HLA-DRB1: variants seen among roughly 807,000 people sequenced by gnomAD.
HLA-DRB1 encodes major histocompatibility complex, class II, DR beta 1 precursor.
In HLA-DRB1, 10 loss-of-function variants were observed where a neutral mutation model predicts 27.9. That is an observed-to-expected ratio of 0.36 (90% confidence interval 0.22 to 0.61). The LOEUF (loss-of-function observed/expected upper bound fraction) is 0.61, where lower values mean the gene tolerates loss of function less well. Among genes scored for constraint, HLA-DRB1 ranks in the 20% least tolerant of loss-of-function variants. HLA-DRB1 has a pLI of 0.73. For synonymous variants in HLA-DRB1, 57 were observed against 126.7 expected, an observed-to-expected ratio of 0.45 and a Z score of 3.69; for missense variants, 118 against 306.3, an observed-to-expected ratio of 0.39 and a Z score of 4.59.
At chr6:32,585,827 T>C (rs981191575) in intron 1 of HLA-DRB1, among the ~76,000 whole-genome samples, 6,984 of 143,490 alleles carry the variant, frequency 0.049, 1 homozygote, top group Admixed American at 0.063. Context: ...GGGTGTTACT[T>C]ATAACCTCTC....
chr6:32,580,544 C>T (rs9269762), intron 4 of HLA-DRB1, among the ~76,000 whole-genome samples: 77,761 of 97,686 alleles, frequency 0.8, 32,628 homozygotes, highest in Middle Eastern at 0.87. Context: ...ACCTTCCTCT[C>T]GTCTCTGCAG....
intron 1 of HLA-DRB1, among the ~76,000 whole-genome samples, chr6:32,588,984 A>G (rs34874601): frequency 1.3e-5 from 1 of 78,658 alleles, no homozygotes; most frequent in Admixed American, 1.5e-4. Flanking sequence ...AATGCTCTGT[A>G]TCTGTAAGGT....
chr6:32,586,401 T>A (rs9270077), intron 1 of HLA-DRB1, among the ~76,000 whole-genome samples: 1,128 of 69,022 alleles, frequency 0.016, 12 homozygotes, highest in Middle Eastern at 0.06. Flanking sequence ...TTCTCTATCA[T>A]ATTCTCACTT....
chr6:32,586,367 G>A (rs9270075), intron 1 of HLA-DRB1, among the ~76,000 whole-genome samples: 45,192 of 64,550 alleles, frequency 0.7, 18,737 homozygotes, highest in Middle Eastern at 0.8. Context: ...TGCAAATATC[G>A]ACTCCACCAA....
chr6:32,582,719 C>A (rs369254521), intron 2 of HLA-DRB1, among the ~76,000 whole-genome samples: 1 of 83,328 alleles, frequency 1.2e-5, no homozygotes, highest in African/African-American at 5.1e-5. Context: ...CCGTGCAACA[C>A]AAGCATAATT....
At chr6:32,585,686 C>T (rs1172383289) in intron 1 of HLA-DRB1, among the ~76,000 whole-genome samples, 2 of 116,342 alleles carry the variant, frequency 1.7e-5, no homozygotes, top group Non-Finnish European at 3.5e-5. Flanking sequence ...GGCAGAAACA[C>T]TGGTTTATGT....
At chr6:32,584,671 A>C (rs11753207) in intron 1 of HLA-DRB1, among the ~76,000 whole-genome samples, 13,691 of 114,394 alleles carry the variant, frequency 0.12, 264 homozygotes, top group Non-Finnish European at 0.13. Flanking sequence ...GGATCCGCCC[A>C]GCACCGCAGC....
chr6:32,585,641 T>G (rs9270034), intron 1 of HLA-DRB1, among the ~76,000 whole-genome samples: 51,609 of 123,386 alleles, frequency 0.42, 12,098 homozygotes, highest in Middle Eastern at 0.56. Flanking sequence ...GTTCTTCTAT[T>G]AGTTTCATAA....
intron 5 of HLA-DRB1, 148 bp from the exon 6 acceptor site, chr6:32,579,252 A>AGC (rs9281864): frequency 0.31 from 62,321 of 203,078 alleles, 22,025 homozygotes; most frequent in Admixed American, 0.34. Context: ...CGCAGAGCAC[A>AGC]CCTTTTCTAA....
chr6:32,584,265 C>A (rs767221650), exon 2 of HLA-DRB1: 2 of 1,505,914 alleles, frequency 1.3e-6, no homozygotes, highest in Middle Eastern at 1.7e-4. Flanking sequence ...TCCCCCACGT[C>A]GCTGTCGAAG....
At position 32,586,251 on chromosome 6, in the gene HLA-DRB1, C is replaced by T. The variant is rs1776373994; in HGVS notation, c.101-1873G>A. 3.2e-5 allele frequency among the ~76,000 whole-genome samples: 2 copies of T among 63,306 alleles called. 1 individual carries two copies. The highest frequency in any genetic ancestry group is 1.4e-4 in the African/African-American group (2 of 14,210). 41.5% of individuals were successfully genotyped at this position (63,306 alleles called of 152,430 possible). The stretch of plus-strand genomic sequence containing the variant: ...GGCTCCCTGAACCCAGAGAACAATC[C>T]TTCCCTGAAGCTCTCTACTCAAAAC... On this transcript the variant is annotated intron_variant, in intron 1 of 5. Coordinates refer to ENST00000360004, the Ensembl canonical transcript of HLA-DRB1.
rs28724056 is a variant in HLA-DRB1 at position 32,583,497 on chromosome 6, C to A, written c.370+612G>T. ...TATACACACTGAAAAAAACAAAAAA[C>A]TAGGAAGAAATTTAGATCTAAAGAA... On this transcript the variant is annotated intron_variant, in intron 2 of 5. Transcript: ENST00000360004. Among the ~76,000 whole-genome samples the A allele has an allele frequency of 1.8e-4, 12 of 65,270 alleles. 1 individual carries two copies. Among genetic ancestry groups the A allele is most frequent in the Admixed American group, 3.6e-4 (2 of 5,488 alleles). The allele number at this position is 65,270 out of a possible 152,430, so 42.8% of individuals were successfully genotyped here.
At chr6:32,582,517 AC>A (rs1775698385) in intron 2 of HLA-DRB1, among the ~76,000 whole-genome samples, 3 of 88,250 alleles carry the variant, frequency 3.4e-5, no homozygotes, top group Non-Finnish European at 6.9e-5. Flanking sequence ...TAGGAATACT[AC>A]TCCCATGCAC....
At chr6:32,581,072 GCA>G (rs1561799721) in intron 3 of HLA-DRB1, among the ~76,000 whole-genome samples, 20,701 of 71,376 alleles carry the variant, frequency 0.29, 3,832 homozygotes, top group Non-Finnish European at 0.31. Context: ...TTGATGTAAG[GCA>G]CAAGTTCAAC....
chr6:32,583,022 A>G (rs1775786942), intron 2 of HLA-DRB1, among the ~76,000 whole-genome samples: 2 of 95,334 alleles, frequency 2.1e-5, no homozygotes, highest in Admixed American at 2.7e-4. Context: ...CAAAATCCAC[A>G]TACAAACCAC....
At chr6:32,588,362 G>T (rs1410393705) in intron 1 of HLA-DRB1, among the ~76,000 whole-genome samples, 1 of 141,520 alleles carries the variant, frequency 7.1e-6, no homozygotes, top group East Asian at 2.2e-4. Context: ...CCTGAGGAGG[G>T]AGGATCACTT....
intron 2 of HLA-DRB1, among the ~76,000 whole-genome samples, chr6:32,583,728 T>A (rs9469178): frequency 0.06 from 2,693 of 45,138 alleles, 218 homozygotes; most frequent in Admixed American, 0.11. Context: ...CACACACACC[T>A]TACATTTCCC....
chr6:32,582,107 A>C (rs34807122), intron 2 of HLA-DRB1, among the ~76,000 whole-genome samples: 25,671 of 103,446 alleles, frequency 0.25, 1,324 homozygotes, highest in East Asian at 0.31. Flanking sequence ...AAATCTTGGA[A>C]AGTACAGAGT....
intron 1 of HLA-DRB1, among the ~76,000 whole-genome samples, chr6:32,588,123 A>G (rs113905649): frequency 0.21 from 27,148 of 129,080 alleles, 2,289 homozygotes; most frequent in African/African-American, 0.23. Flanking sequence ...ACAGATAAAG[A>G]AACAGTGATT....
Sources: gnomAD v4.1 joint callset for allele counts (sites outside exome capture counted in the v4.1 genomes callset) on GRCh38, gnomAD v4.1.1 for gene constraint, MANE v1.5 for transcripts, NCBI Gene and HGNC (gene_info 2026-07-23, HGNC 2026-07-21) for gene names.